Variants in MINDY4 observed in about 807,000 individuals in gnomAD.
MINDY4 encodes the protein probable ubiquitin carboxyl-terminal hydrolase MINDY-4.
In MINDY4, 68 loss-of-function variants were observed where a neutral mutation model predicts 87.0. That is an observed-to-expected ratio of 0.78 (90% CI 0.64 to 0.96). MINDY4 has a LOEUF of 0.96. Ranked by LOEUF, MINDY4 falls within the 40% of genes least tolerant of loss-of-function variation. The pLI is 0.00. For missense variants in MINDY4, 919 were observed against 928.2 expected (o/e 0.99, Z 0.13); for synonymous variants, 379 against 363.2 (o/e 1.04, Z -0.50).
At chr7:30,794,893 T>C (rs1198598184) in intron 5 of MINDY4, among the ~76,000 whole-genome samples, 1 of 152,096 alleles carries the variant, frequency 6.6e-6, no homozygotes, top group African/African-American at 2.4e-5. Context: ...CGGGGGCCTT[T>C]CTCTACACAT....
intron 5 of MINDY4, among the ~76,000 whole-genome samples, chr7:30,801,665 C>G (rs1787654740): frequency 6.6e-6 from 1 of 152,180 alleles, no homozygotes; most frequent in South Asian, 2.1e-4. Context: ...ACAGGCCACT[C>G]TGAGCCCTCC....
At chr7:30,819,884 T>C (rs926905584) in intron 5 of MINDY4, among the ~76,000 whole-genome samples, 2 of 149,782 alleles carry the variant, frequency 1.3e-5, no homozygotes, top group African/African-American at 2.5e-5. Context: ...TAAAACAGCA[T>C]ATAGATAATT....
At chr7:30,784,039 G>C (rs1182693074) in intron 3 of MINDY4, among the ~76,000 whole-genome samples, 1 of 152,128 alleles carries the variant, frequency 6.6e-6, no homozygotes, top group Non-Finnish European at 1.5e-5. Flanking sequence ...CCATTGAAAA[G>C]CACTTCCTTT....
chr7:30,861,970 C>T (rs1352963240), intron 13 of MINDY4, among the ~76,000 whole-genome samples: 8 of 152,230 alleles, frequency 5.3e-5, no homozygotes, highest in South Asian at 2.1e-4. Flanking sequence ...GACCAAGCCC[C>T]GCCCAGGGGC....
intron 4 of MINDY4, among the ~76,000 whole-genome samples, chr7:30,787,018 G>A (rs1787178483): frequency 6.6e-6 from 1 of 152,250 alleles, no homozygotes; most frequent in South Asian, 2.1e-4. Context: ...ATGTTTAGGT[G>A]TGGGTGCAGG....
At chr7:30,803,086 C>G (rs1787706753) in intron 5 of MINDY4, 1 of 152,244 alleles carries the variant, frequency 6.6e-6, no homozygotes, top group Non-Finnish European at 1.5e-5. Flanking sequence ...CTGTGATGCC[C>G]CATCTTTAAG....
At chr7:30,826,211 C>T (rs1788497463) in intron 5 of MINDY4, among the ~76,000 whole-genome samples, 1 of 152,146 alleles carries the variant, frequency 6.6e-6, no homozygotes, top group African/African-American at 2.4e-5. Flanking sequence ...AAGTAACATT[C>T]AGGGATTAGG....
At chr7:30,771,696 C>A in intron 1 of MINDY4, 140 bp downstream of exon 1, 1 of 803,466 alleles carries the variant, frequency 1.2e-6, no homozygotes, top group Non-Finnish European at 1.9e-6. Context: ...CCCAGAAGAG[C>A]GCCGCTTTCC....
At chr7:30,792,307 G>T (rs976161013) in intron 5 of MINDY4, among the ~76,000 whole-genome samples, 1 of 152,070 alleles carries the variant, frequency 6.6e-6, no homozygotes, top group African/African-American at 2.4e-5. Context: ...TTCGTGTAGG[G>T]GTTTTGTGTG....
intron 6 of MINDY4, among the ~76,000 whole-genome samples, chr7:30,835,682 C>T (rs546956487): frequency 3.9e-5 from 6 of 152,304 alleles, no homozygotes; most frequent in East Asian, 1.9e-4. Context: ...ATACCACCCC[C>T]GCCCACACAG....
intron 2 of MINDY4, chr7:30,780,200 T>G (rs528069208): frequency 6.6e-6 from 1 of 152,358 alleles, no homozygotes; most frequent in East Asian, 1.9e-4. Flanking sequence ...GTGGAAAGAC[T>G]GGTGACCCAG....
intron 7 of MINDY4, among the ~76,000 whole-genome samples, chr7:30,837,735 G>C (rs1273179448): frequency 1.1e-4 from 16 of 152,168 alleles, no homozygotes; most frequent in Non-Finnish European, 2.9e-5. Context: ...GTCTCCAAAA[G>C]CAACTGGAAA....
intron 13 of MINDY4, 99 bp from the exon 14 acceptor site, chr7:30,872,144 G>T (rs1365794224): frequency 1.8e-6 from 2 of 1,116,766 alleles, no homozygotes; most frequent in African/African-American, 3.1e-5. Flanking sequence ...GGAATTCTGG[G>T]TCTTAGCCTG....
At chr7:30,839,712 G>C (rs2128567068) in intron 8 of MINDY4, among the ~76,000 whole-genome samples, 1 of 152,202 alleles carries the variant, frequency 6.6e-6, no homozygotes, top group Middle Eastern at 3.4e-3. Flanking sequence ...GGGCACTCCA[G>C]GCAGGTGGCA....
intron 5 of MINDY4, among the ~76,000 whole-genome samples, chr7:30,806,353 C>T (rs1426538522): frequency 1.3e-5 from 2 of 152,136 alleles, no homozygotes. Flanking sequence ...TTTTTAGCCT[C>T]TTTTAACTTT....
intron 5 of MINDY4, among the ~76,000 whole-genome samples, chr7:30,811,700 C>T (rs924722908): frequency 2.6e-5 from 4 of 152,202 alleles, no homozygotes; most frequent in African/African-American, 9.6e-5. Context: ...AGATTACAGA[C>T]ATTGTATAGA....
At chr7:30,882,891 A>G in intron 16 of MINDY4, 30 bp from the exon 17 acceptor site, 1 of 1,605,032 alleles carries the variant, frequency 6.2e-7, no homozygotes, top group Non-Finnish European at 8.5e-7. Flanking sequence ...GCCCTGGGTG[A>G]CATGTGTGTG....
At chr7:30,807,774 G>C (rs1171066464) in intron 5 of MINDY4, among the ~76,000 whole-genome samples, 1 of 152,142 alleles carries the variant, frequency 6.6e-6, no homozygotes, top group Non-Finnish European at 1.5e-5. Flanking sequence ...AATTACCGGT[G>C]CATGCAGCCC....
At position 30,791,554 on chromosome 7, in the gene MINDY4, C is replaced by T. The variant is rs776232171; in HGVS notation, c.1053C>T (p.Gly351=). The T allele has an allele frequency of 3.1e-6, 5 of 1,612,236 alleles. No homozygotes were observed. The highest frequency in any genetic ancestry group is 1.3e-5 in the African/African-American group (1 of 74,908). Residue 351 remains glycine (G), a synonymous_variant, in exon 5 of 18, where the codon GGC becomes GGT. Transcript: ENST00000265299. ...TGGAAAGAGCGTTCAAACGGCAGGG[C>T]AGCCAGCCCGCACCTGTCAGGTGAG... ...ERLERAFKRQ[G]SQPAPVRKNQ... is the part of the protein sequence containing the mutation.
Sources: allele counts gnomAD v4.1 joint callset (sites outside exome capture counted in the v4.1 genomes callset), GRCh38; gene constraint gnomAD v4.1.1; transcripts MANE v1.5; gene names NCBI Gene and HGNC (gene_info 2026-07-23, HGNC 2026-07-21).